Variants in SYNDIG1 observed in about 807,000 individuals in gnomAD.
SYNDIG1 encodes synapse differentiation-inducing gene protein 1.
SYNDIG1 carries 9 observed loss-of-function variants against 19.4 expected under a neutral mutation model. That is an observed-to-expected ratio of 0.46 (90% CI 0.28 to 0.81). SYNDIG1 has a LOEUF of 0.81. Among genes scored for constraint, SYNDIG1 ranks in the 30% least tolerant of loss-of-function variants. SYNDIG1 has a pLI of 0.12. For missense variants in SYNDIG1, 311 were observed against 343.3 expected (o/e 0.91, Z 0.74); for synonymous variants, 141 against 145.9 (o/e 0.97, Z 0.24).
At chr20:24,504,705 G>A (rs2056543906) in intron 1 of SYNDIG1, among the ~76,000 whole-genome samples, 1 of 152,218 alleles carries the variant, frequency 6.6e-6, no homozygotes, top group African/African-American at 2.4e-5. Context: ...CCAGTCACGA[G>A]GGAACATAGA....
intron 3 of SYNDIG1, among the ~76,000 whole-genome samples, chr20:24,607,292 C>T (rs1365040638): frequency 4.8e-5 from 7 of 146,720 alleles, no homozygotes; most frequent in African/African-American, 7.5e-5. Flanking sequence ...ACCCAGGAGG[C>T]GGATGTTGCA....
intron 1 of SYNDIG1, among the ~76,000 whole-genome samples, chr20:24,508,293 A>G (rs2056653581): frequency 1.4e-5 from 2 of 138,032 alleles, no homozygotes; most frequent in South Asian, 4.6e-4. Context: ...CAGTGGCACA[A>G]TCTCGGCTCA....
intron 1 of SYNDIG1, among the ~76,000 whole-genome samples, chr20:24,498,209 GTCATCAACA>G (rs2056348282): frequency 6.6e-6 from 1 of 152,194 alleles, no homozygotes; most frequent in Admixed American, 6.5e-5. Flanking sequence ...CACCCCTGGA[GTCATCAACA>G]TACTTTGTGC....
At chr20:24,487,894 G>A (rs2056014054) in intron 1 of SYNDIG1, among the ~76,000 whole-genome samples, 1 of 152,134 alleles carries the variant, frequency 6.6e-6, no homozygotes, top group Non-Finnish European at 1.5e-5. Flanking sequence ...GACCCATTCT[G>A]AGGTGGTACA....
chr20:24,497,518 A>G (rs950040571), intron 1 of SYNDIG1, among the ~76,000 whole-genome samples: 1 of 152,150 alleles, frequency 6.6e-6, no homozygotes, highest in Non-Finnish European at 1.5e-5. Context: ...CTCTTAATTT[A>G]GTATTTTCTT....
At chr20:24,661,685 C>T (rs1180464979) in intron 3 of SYNDIG1, among the ~76,000 whole-genome samples, 2 of 151,826 alleles carry the variant, frequency 1.3e-5, no homozygotes, top group Non-Finnish European at 2.9e-5. Context: ...TTGGATAAAC[C>T]AGGGACCTCA....
intron 2 of SYNDIG1, among the ~76,000 whole-genome samples, chr20:24,552,016 TTC>T (rs1284431413): frequency 6.6e-6 from 1 of 152,232 alleles, no homozygotes; most frequent in Non-Finnish European, 1.5e-5. Flanking sequence ...GTGTCTCCTG[TTC>T]TTTCTGTTTG....
chr20:24,607,834 T>C (rs2058781769), intron 3 of SYNDIG1, among the ~76,000 whole-genome samples: 1 of 152,246 alleles, frequency 6.6e-6, no homozygotes, highest in South Asian at 2.1e-4. Flanking sequence ...ATATTTACAG[T>C]GGGTAAGTCA....
At chr20:24,630,872 G>A (rs1412536158) in intron 3 of SYNDIG1, among the ~76,000 whole-genome samples, 3 of 152,208 alleles carry the variant, frequency 2.0e-5, no homozygotes, top group African/African-American at 4.8e-5. Flanking sequence ...GACTAATACC[G>A]AACAAAGAAA....
intron 2 of SYNDIG1, among the ~76,000 whole-genome samples, chr20:24,548,079 A>G (rs1264451372): frequency 6.6e-6 from 1 of 152,190 alleles, no homozygotes; most frequent in Non-Finnish European, 1.5e-5. Flanking sequence ...CTCCAAGTGC[A>G]CTTGGCCATC....
chr20:24,632,412 G>A (rs1445573722), intron 3 of SYNDIG1, among the ~76,000 whole-genome samples: 3 of 152,066 alleles, frequency 2.0e-5, no homozygotes, highest in African/African-American at 7.2e-5. Flanking sequence ...GCTGAATTTT[G>A]TATTTTCAGT....
intron 3 of SYNDIG1, among the ~76,000 whole-genome samples, chr20:24,595,506 C>G (rs1600708446): frequency 6.6e-6 from 1 of 152,136 alleles, no homozygotes. Context: ...TGATACTGAC[C>G]TCATAGGATG....
At chr20:24,596,632 G>A (rs1054347015) in intron 3 of SYNDIG1, among the ~76,000 whole-genome samples, 1 of 152,114 alleles carries the variant, frequency 6.6e-6, no homozygotes, top group African/African-American at 2.4e-5. Flanking sequence ...GACCGCCTCG[G>A]CCTCCCAAAC....
At chr20:24,513,231 A>G (rs1395016918) in intron 1 of SYNDIG1, among the ~76,000 whole-genome samples, 1 of 152,240 alleles carries the variant, frequency 6.6e-6, no homozygotes, top group Non-Finnish European at 1.5e-5. Flanking sequence ...TCCCCCTTCA[A>G]AGGAACGCAG....
chr20:24,625,311 C>T (rs964606894), intron 3 of SYNDIG1, among the ~76,000 whole-genome samples: 1 of 151,098 alleles, frequency 6.6e-6, no homozygotes, highest in African/African-American at 2.4e-5. Context: ...GCCAGGCTAA[C>T]CAGGAGATAA....
intron 3 of SYNDIG1, among the ~76,000 whole-genome samples, chr20:24,611,396 C>G (rs894121000): frequency 6.6e-6 from 1 of 152,186 alleles, no homozygotes. Flanking sequence ...CTGTCCCCAG[C>G]GAAGACTTCA....
intron 3 of SYNDIG1, among the ~76,000 whole-genome samples, chr20:24,651,610 C>G (rs1016836129): frequency 2.0e-5 from 3 of 152,206 alleles, no homozygotes; most frequent in African/African-American, 7.2e-5. Context: ...GCTTCCTCTC[C>G]TGGGCCACCA....
At chr20:24,534,528 G>A (rs905747406) in intron 1 of SYNDIG1, among the ~76,000 whole-genome samples, 6 of 152,312 alleles carry the variant, frequency 3.9e-5, no homozygotes, top group Middle Eastern at 3.4e-3. Flanking sequence ...AGTGCCCCTC[G>A]GTCTGGCCCT....
intron 3 of SYNDIG1, among the ~76,000 whole-genome samples, chr20:24,664,809 T>C (rs62215352): frequency 0.074 from 11,328 of 152,158 alleles, 533 homozygotes; most frequent in Non-Finnish European, 0.098. Context: ...AGGTTTCAGG[T>C]GTCCTCCAGT....
Sources: allele counts gnomAD v4.1 joint callset (sites outside exome capture counted in the v4.1 genomes callset), GRCh38; gene constraint gnomAD v4.1.1; transcripts MANE v1.5; gene names NCBI Gene and HGNC (gene_info 2026-07-23, HGNC 2026-07-21).